HEPHL1: variants seen among roughly 807,000 people sequenced by gnomAD.
The protein encoded by HEPHL1 is hephaestin like 1.
Under a neutral mutation model 122.0 loss-of-function variants are expected in HEPHL1, and 123 were observed. That is an observed-to-expected ratio of 1.01 (90% confidence interval 0.87 to 1.17). HEPHL1 has a LOEUF of 1.17. HEPHL1 is among the 50% of genes most tolerant of loss of function. HEPHL1 has a pLI of 0.00. For synonymous variants in HEPHL1, 527 were observed against 508.9 expected, an observed-to-expected ratio of 1.04 and a Z score of -0.48; for missense variants, 1,452 against 1,430.5, an observed-to-expected ratio of 1.01 and a Z score of -0.24.
Position 94,113,661 on chromosome 11 carries a change from T to C in HEPHL1, c.*1767T>C, listed in dbSNP as rs972322749. On this transcript the variant is annotated 3_prime_UTR_variant, in exon 20 of 20. Coordinates refer to ENST00000315765, the MANE Select transcript of HEPHL1 (RefSeq NM_001098672.2). The stretch of plus-strand genomic sequence containing the variant: ...AAGACAAGTTGTTCAGTTGTTTTTT[T>C]TTCTTTTCAGTTTATTTTTTTAATG... 6.6e-6 allele frequency: 1 copy of C among 152,206 alleles called. No individual in the cohort carries two copies. The highest frequency in any genetic ancestry group is 2.4e-5 in the African/African-American group (1 of 41,432). 9.4% of individuals were successfully genotyped at this position (152,206 alleles called of 1,614,324 possible). A position where few individuals can be genotyped will look rare whatever the true frequency, so the allele number is the denominator to read the frequency against.
At chr11:94,086,322 G>T (rs1341147955) in intron 11 of HEPHL1, 133 bp downstream of exon 11, 2 of 668,746 alleles carry the variant, frequency 3.0e-6, no homozygotes, top group Admixed American at 2.6e-5. Context: ...GTCTTGATTA[G>T]AATCAGAGAA....
chr11:94,054,779 C>A (rs1198189857), intron 2 of HEPHL1, among the ~76,000 whole-genome samples: 1 of 152,204 alleles, frequency 6.6e-6, no homozygotes, highest in Non-Finnish European at 1.5e-5. Context: ...GACCTAAAGC[C>A]AGTCTGCATA....
At position 94,064,365 on chromosome 11, in the gene HEPHL1, T is replaced by A; in HGVS notation, c.663T>A (p.Asp221Glu). 1 of 1,613,258 alleles carries A rather than the reference T, an allele frequency of 6.2e-7. No homozygotes were observed. Among genetic ancestry groups the A allele is most frequent in the Non-Finnish European group, 8.5e-7 (1 of 1,179,362 alleles). The change falls in exon 4 of 20, where the codon GAT becomes GAA. Residue 221 changes from aspartate to glutamate, a missense_variant. Coordinates refer to ENST00000315765, the MANE Select transcript of HEPHL1 (RefSeq NM_001098672.2). ...ILNRYSGTRN[D>E]VDREFVIMFT... ...ATAGATATTCAGGGACACGGAATGA[T>A]GTGGATCGAGAGTTTGTTATAATGT... is the stretch of plus-strand genomic sequence containing the variant.
intron 1 of HEPHL1, among the ~76,000 whole-genome samples, chr11:94,042,840 C>G (rs1244664891): frequency 7.9e-6 from 1 of 126,292 alleles, no homozygotes; most frequent in Non-Finnish European, 1.6e-5. Flanking sequence ...CTAACCTGCA[C>G]ATTGTGCACA....
intron 2 of HEPHL1, among the ~76,000 whole-genome samples, chr11:94,061,477 T>C (rs897752460): frequency 2.0e-5 from 3 of 152,208 alleles, no homozygotes; most frequent in Non-Finnish European, 4.4e-5. Flanking sequence ...AAGAGTATGA[T>C]GTGATGTCCT....
rs766507988 is a variant in HEPHL1, at chr11:94,088,979, C to G, written c.2294+11C>G. 1.9e-6 allele frequency: 3 copies of G among 1,612,784 alleles called. No homozygotes were observed. The highest frequency in any genetic ancestry group is 2.2e-5 in the East Asian group (1 of 44,862). ...CGCAAGAGGGGAAAGGTACCACAGG[C>G]GCCGCCGCTAGGGCTCCTCGGTGGG... is the stretch of plus-strand genomic sequence containing the variant. On this transcript the variant is annotated intron_variant, in intron 12 of 19. Coordinates refer to ENST00000315765, the MANE Select transcript of HEPHL1 (RefSeq NM_001098672.2).
chr11:94,085,862 C>A (rs2134441550), intron 10 of HEPHL1, 115 bp from the exon 11 acceptor site: 1 of 726,752 alleles, frequency 1.4e-6, no homozygotes, highest in Non-Finnish European at 2.3e-6. Context: ...GTGGCTTTTC[C>A]CTGGTACTGT....
At chr11:94,102,798 T>G in intron 14 of HEPHL1, 116 bp from the exon 15 acceptor site, 1 of 608,690 alleles carries the variant, frequency 1.6e-6, no homozygotes, top group Admixed American at 3.1e-5. Context: ...GAATGAGTAA[T>G]TCTCTCCAGC....
At chr11:94,099,460 A>T (rs1946349199) in intron 13 of HEPHL1, among the ~76,000 whole-genome samples, 2 of 152,186 alleles carry the variant, frequency 1.3e-5, no homozygotes, top group Non-Finnish European at 2.9e-5. Flanking sequence ...CTTGGGTGTC[A>T]GGGACCCACT....
chr11:94,056,010 T>C, intron 2 of HEPHL1: 1 of 730,040 alleles, frequency 1.4e-6, no homozygotes. Flanking sequence ...CCAGCTTCCA[T>C]TCTCTGTTCT....
In HEPHL1 at chr11:94,063,685, C is replaced by G; in HGVS notation, c.593C>G (p.Ser198Cys). Reference protein sequence around the residue: ...SHIDAPKDICSGLIGPLLVCK... With the variant: ...SHIDAPKDICCGLIGPLLVCK... Reference sequence around the variant, plus strand: ...ATCGACGCCCCAAAGGACATCTGCTCTGGGCTAATTGGGCCCCTGCTGGTC... The same window carrying G: ...ATCGACGCCCCAAAGGACATCTGCTGTGGGCTAATTGGGCCCCTGCTGGTC... Residue 198 changes from serine to cysteine, a missense_variant, in exon 3 of 20, where the codon TCT becomes TGT. Ser to Cys is a moderately radical substitution (Grantham distance 112). Transcript: ENST00000315765. 8 of 1,613,832 alleles carry G rather than the reference C, an allele frequency of 5.0e-6. No individual in the cohort carries two copies. The highest frequency in any genetic ancestry group is 5.9e-6 in the Non-Finnish European group (7 of 1,179,818).
chr11:94,105,155 C>T (rs1946398778), intron 16 of HEPHL1, among the ~76,000 whole-genome samples: 1 of 152,130 alleles, frequency 6.6e-6, no homozygotes. Context: ...TTTAATGTAT[C>T]TGTGTTACTT....
At chr11:94,067,410 C>T in intron 4 of HEPHL1, 86 bp from the exon 5 acceptor site, 1 of 1,344,962 alleles carries the variant, frequency 7.4e-7, no homozygotes. Context: ...GGTTTTCCAG[C>T]CATGCTTAAG....
intron 2 of HEPHL1, among the ~76,000 whole-genome samples, chr11:94,047,154 G>A (rs540437454): frequency 1.3e-5 from 2 of 152,320 alleles, no homozygotes; most frequent in African/African-American, 2.4e-5. Flanking sequence ...CACAAAAATT[G>A]TGCCAGGTAA....
intron 4 of HEPHL1, among the ~76,000 whole-genome samples, chr11:94,066,877 G>A (rs949231963): frequency 9.2e-5 from 14 of 152,090 alleles, no homozygotes; most frequent in African/African-American, 1.9e-4. Flanking sequence ...CTGGATTTAC[G>A]CCATAAACTT....
At chr11:94,035,761 G>A (rs1591462394) in intron 1 of HEPHL1, among the ~76,000 whole-genome samples, 1 of 152,170 alleles carries the variant, frequency 6.6e-6, no homozygotes, top group East Asian at 1.9e-4. Context: ...TTTTGAGACG[G>A]AGTCTCACTC....
rs1689691542 is a variant in HEPHL1, at chr11:94,023,852, TC to T, written c.170+2317del. ...TCAGAATACTGGTTTTTATCAGTGA[TC>T]CCATCAGTGCTAGTAGTTGTGGTAG... On this transcript the variant is annotated intron_variant, in intron 1 of 19. Transcript: ENST00000315765. 2.0e-5 allele frequency among the ~76,000 whole-genome samples: 3 copies of T among 152,206 alleles called. No homozygotes were observed. The South Asian group carries it at 6.2e-4, about 32-fold the overall frequency.
intron 13 of HEPHL1, among the ~76,000 whole-genome samples, chr11:94,093,971 G>GATAGATAGATAGATAT (rs71036310): frequency 4.1e-5 from 3 of 72,742 alleles, no homozygotes; most frequent in Admixed American, 1.3e-4. Flanking sequence ...TCCTCCAGCA[G>GATAGATAGATAGATAT]ATATATATAT....
chr11:94,109,917 C>T (rs1475994503), intron 17 of HEPHL1, among the ~76,000 whole-genome samples: 2 of 152,120 alleles, frequency 1.3e-5, no homozygotes, highest in Non-Finnish European at 2.9e-5. Flanking sequence ...TATTATTTCT[C>T]CATTAAATGT....
Sources: allele counts gnomAD v4.1 joint callset (sites outside exome capture counted in the v4.1 genomes callset), GRCh38; gene constraint gnomAD v4.1.1; transcripts MANE v1.5; gene names NCBI Gene and HGNC (gene_info 2026-07-23, HGNC 2026-07-21).